Variants in PCDHA8 observed in about 807,000 individuals in gnomAD.
PCDHA8 encodes protocadherin alpha 8, also known as protocadherin alpha-8.
A neutral mutation model predicts 61.8 loss-of-function variants in PCDHA8; 53 were observed. The ratio of observed to expected loss-of-function variants is 0.86; its 90% confidence interval spans 0.69 to 1.08. The LOEUF (loss-of-function observed/expected upper bound fraction) is 1.08. Ranked by LOEUF, PCDHA8 falls within the 50% of genes least tolerant of loss-of-function variation. PCDHA8 has a pLI of 0.00. For missense variants in PCDHA8, 1,293 were observed against 1,245.0 expected, an observed-to-expected ratio of 1.04 and a Z score of -0.58; for synonymous variants, 618 against 556.6, an observed-to-expected ratio of 1.11 and a Z score of -1.55.
At chr5:140,976,970 C>A (rs1294728864) in intron 1 of PCDHA8, among the ~76,000 whole-genome samples, 3 of 152,140 alleles carry the variant, frequency 2.0e-5, no homozygotes, top group African/African-American at 7.2e-5. Context: ...CTTTCCTTTT[C>A]CCTGCCTGAT....
chr5:140,932,920 A>G (rs1397195310), intron 1 of PCDHA8, among the ~76,000 whole-genome samples: 3 of 152,034 alleles, frequency 2.0e-5, no homozygotes, highest in Non-Finnish European at 4.4e-5. Flanking sequence ...CAACAACTAA[A>G]TTAACTTAGC....
chr5:140,968,734 C>T, intron 1 of PCDHA8: 1 of 1,614,162 alleles, frequency 6.2e-7, no homozygotes, highest in Non-Finnish European at 8.5e-7. Flanking sequence ...GTAGCACTTT[C>T]AACCTGACCG....
Position 140,851,117 on chromosome 5 carries a change from T to C in PCDHA8, c.2394+7402T>C, listed in dbSNP as rs932245132. 14 of 1,306,346 alleles carry C rather than the reference T, an allele frequency of 1.1e-5. No homozygotes were observed. The African/African-American group carries it at 2.0e-4, about 19-fold the overall frequency. 80.9% of individuals were successfully genotyped at this position (1,306,346 alleles called of 1,614,324 possible). On this transcript the variant is annotated intron_variant, in intron 1 of 3. Transcript: ENST00000531613. ...ATATTTTTTGGGTGCTGAATCAATT[T>C]TATTTAAATTTGTGATTAAAGTGAC... is the stretch of plus-strand genomic sequence containing the variant.
intron 1 of PCDHA8, among the ~76,000 whole-genome samples, chr5:140,933,588 G>A (rs2089253151): frequency 6.6e-6 from 1 of 151,988 alleles, no homozygotes; most frequent in Non-Finnish European, 1.5e-5. Flanking sequence ...TGGGTTTTTA[G>A]GTTGATTTGT....
intron 1 of PCDHA8, among the ~76,000 whole-genome samples, chr5:140,956,217 T>C (rs1554222303): frequency 1.1e-4 from 17 of 152,208 alleles, no homozygotes. Flanking sequence ...GGCATCCTTG[T>C]CTTGTGCTGG....
At chr5:140,858,063 G>T in intron 1 of PCDHA8, 1 of 1,597,700 alleles carries the variant, frequency 6.3e-7, no homozygotes, top group Non-Finnish European at 8.6e-7. Flanking sequence ...GTGGAGGGCA[G>T]CCAGGCACCC....
Position 140,924,861 on chromosome 5 carries a change from C to T in PCDHA8, c.2395-54088C>T, listed in dbSNP as rs150955497. ...AGGGAGCTCAGATCGTGCCACTGCA[C>T]TCCAGCCTGGGTGACAGAGCAAGAA... On this transcript the variant is annotated intron_variant, in intron 1 of 3. Transcript: ENST00000531613. Among the ~76,000 whole-genome samples, 427 of 150,140 alleles carry T rather than the reference C, an allele frequency of 2.8e-3. 1 individual carries two copies. The highest frequency in any genetic ancestry group is 0.01 in the African/African-American group (408 of 40,512).
intron 1 of PCDHA8, among the ~76,000 whole-genome samples, chr5:140,898,180 G>T (rs1216288813): frequency 6.6e-6 from 1 of 152,128 alleles, no homozygotes; most frequent in Non-Finnish European, 1.5e-5. Context: ...CTGTGCAGAA[G>T]CTCTTTAGTT....
At position 140,849,922 on chromosome 5, in the gene PCDHA8, C is replaced by A. The variant is rs140735832; in HGVS notation, c.2394+6207C>A. The stretch of plus-strand genomic sequence containing the variant: ...AACCCGCCGGGCTGCCACATCTTCA[C>A]GGTGTCTGCGCGGGACGCTGACGCG... On this transcript the variant is annotated intron_variant, in intron 1 of 3. Transcript: ENST00000531613. 10 of 1,598,214 alleles carry A rather than the reference C, an allele frequency of 6.3e-6. 1 individual carries two copies. In the South Asian group the frequency reaches 9.9e-5, roughly 16 times the overall value.
intron 1 of PCDHA8, chr5:140,862,499 G>T (rs1581644581): frequency 2.5e-6 from 1 of 396,118 alleles, no homozygotes; most frequent in East Asian, 6.8e-5. Flanking sequence ...CGCTCGGAAT[G>T]GGGACTCGCT....
intron 1 of PCDHA8, among the ~76,000 whole-genome samples, chr5:140,941,595 A>T (rs1273931279): frequency 6.6e-6 from 1 of 152,016 alleles, no homozygotes; most frequent in African/African-American, 2.4e-5. Context: ...GATTACAGCC[A>T]TGAGCCATGG....
rs1581152641 is a variant in PCDHA8, at chr5:140,848,515, G to A, written c.2394+4800G>A. ...TTTGAAATGTTATACTCAAGTCGAG[G>A]AGATCCAGAGGGTCAGCCTCTACTG... On this transcript the variant is annotated intron_variant, in intron 1 of 3. Coordinates refer to ENST00000531613, the MANE Select transcript of PCDHA8 (RefSeq NM_018911.3). The A allele has an allele frequency of 1.9e-6, 3 of 1,590,864 alleles. No individual in the cohort carries two copies. In the African/African-American group the frequency reaches 4.0e-5, roughly 21 times the overall value.
intron 1 of PCDHA8, among the ~76,000 whole-genome samples, chr5:140,975,572 C>T (rs1356117545): frequency 6.6e-6 from 1 of 152,202 alleles, no homozygotes; most frequent in African/African-American, 2.4e-5. Context: ...ATATTATATG[C>T]AGTCTCATGT....
intron 1 of PCDHA8, among the ~76,000 whole-genome samples, chr5:140,975,626 G>A (rs1234889198): frequency 6.6e-6 from 1 of 152,156 alleles, no homozygotes; most frequent in African/African-American, 2.4e-5. Flanking sequence ...GATTTCCATG[G>A]TACGAAGATA....
At chr5:140,923,804 ATCT>A (rs1273575266) in intron 1 of PCDHA8, among the ~76,000 whole-genome samples, 1 of 152,220 alleles carries the variant, frequency 6.6e-6, no homozygotes, top group African/African-American at 2.4e-5. Flanking sequence ...CACAAATGAA[ATCT>A]TCTGAAAATA....
intron 1 of PCDHA8, among the ~76,000 whole-genome samples, chr5:140,925,082 AAAGGAAGG>A (rs138596875): frequency 4.1e-5 from 6 of 147,388 alleles, no homozygotes; most frequent in Admixed American, 1.3e-4. Flanking sequence ...GCTCATCTGG[AAAGGAAGG>A]AAGGAAGGAA....
chr5:140,864,177 A>G (rs2048351584), intron 1 of PCDHA8: 1 of 152,222 alleles, frequency 6.6e-6, no homozygotes, highest in Non-Finnish European at 1.5e-5. Context: ...AAGGATCATG[A>G]TGAATAATGA....
chr5:140,929,698 G>A (rs2086308201), intron 1 of PCDHA8: 1 of 263,620 alleles, frequency 3.8e-6, no homozygotes, highest in Non-Finnish European at 7.5e-6. Flanking sequence ...TGCTTTATAT[G>A]AATATAATAT....
intron 1 of PCDHA8, among the ~76,000 whole-genome samples, chr5:140,887,104 T>G (rs1554182871): frequency 6.6e-6 from 1 of 151,604 alleles, no homozygotes; most frequent in Admixed American, 6.6e-5. Flanking sequence ...TTTATCTCTT[T>G]TTTTTTTTTT....
Sources: gnomAD v4.1 joint callset for allele counts (sites outside exome capture counted in the v4.1 genomes callset) on GRCh38, gnomAD v4.1.1 for gene constraint, MANE v1.5 for transcripts, NCBI Gene and HGNC (gene_info 2026-07-23, HGNC 2026-07-21) for gene names.